Variants in LAPTM4A observed in about 807,000 individuals in gnomAD.
LAPTM4A encodes lysosomal protein transmembrane 4 alpha.
In LAPTM4A, 19 loss-of-function variants were observed where a neutral mutation model predicts 29.9. That is an observed-to-expected ratio of 0.64 (90% CI 0.44 to 0.93). LAPTM4A has a LOEUF of 0.93. Among genes scored for constraint, LAPTM4A ranks in the 40% least tolerant of loss-of-function variants. The probability of loss-of-function intolerance (pLI) is 0.00; values close to 1 mark genes in which losing one functional copy is unlikely to be tolerated. For missense variants in LAPTM4A, 293 were observed against 288.5 expected, an observed-to-expected ratio of 1.02 and a Z score of -0.11; for synonymous variants, 105 against 102.1, an observed-to-expected ratio of 1.03 and a Z score of -0.17.
At chr2:20,047,582 C>T (rs1275263635) in intron 1 of LAPTM4A, among the ~76,000 whole-genome samples, 9 of 144,214 alleles carry the variant, frequency 6.2e-5, no homozygotes, top group Non-Finnish European at 1.2e-4. Flanking sequence ...CCCAGCTACT[C>T]GGGAGGCTGA....
At chr2:20,046,136 T>C (rs1025249684) in intron 1 of LAPTM4A, among the ~76,000 whole-genome samples, 1 of 152,170 alleles carries the variant, frequency 6.6e-6, no homozygotes, top group African/African-American at 2.4e-5. Flanking sequence ...AGGTGGGAAC[T>C]GAACAATGAG....
chr2:20,035,235 T>C (rs537276327), intron 4 of LAPTM4A, 173 bp from the exon 5 acceptor site: 4 of 586,436 alleles, frequency 6.8e-6, no homozygotes, highest in Admixed American at 2.9e-5. Flanking sequence ...TTATCACCAT[T>C]AATGCATGCT....
At chr2:20,049,847 C>T (rs1025314233) in intron 1 of LAPTM4A, among the ~76,000 whole-genome samples, 1 of 152,086 alleles carries the variant, frequency 6.6e-6, no homozygotes, top group African/African-American at 2.4e-5. Flanking sequence ...GAGTAATAGC[C>T]TTGAGGATCC....
chr2:20,046,780 A>G (rs150905253), intron 1 of LAPTM4A, among the ~76,000 whole-genome samples: 8 of 145,256 alleles, frequency 5.5e-5, no homozygotes, highest in African/African-American at 2.0e-4. Flanking sequence ...TAATATATAA[A>G]TATATATATA....
rs1673588071 is a variant in LAPTM4A at position 20,032,702 on chromosome 2, T to C, written c.*503A>G. The C allele has an allele frequency of 6.5e-6, 1 of 154,300 alleles. No individual in the cohort carries two copies. The highest frequency in any genetic ancestry group is 2.4e-5 in the African/African-American group (1 of 41,448). 9.6% of individuals were successfully genotyped at this position (154,300 alleles called of 1,614,324 possible). ...ATCTTATCACAAAGATGGAAACATATACAAACTAGAAACATGCAACCATCA... is the reference window on the plus strand; with the variant it reads ...ATCTTATCACAAAGATGGAAACATACACAAACTAGAAACATGCAACCATCA... On this transcript the variant is annotated 3_prime_UTR_variant, in exon 7 of 7. Transcript: ENST00000175091.
At position 20,037,619 on chromosome 2, in the gene LAPTM4A, GAAAACA is replaced by G. The variant is rs765148569; in HGVS notation, c.233-11_233-6del. On this transcript the variant is annotated splice_polypyrimidine_tract_variant and splice_region_variant and intron_variant, in intron 2 of 6. Transcript: ENST00000175091. Reference sequence around the variant, plus strand: ...CAAAAAGAACACAGGCATTATCTAAGAAAACAAAAACAAAAATCTAATTAAGCTACT... The same window carrying G: ...CAAAAAGAACACAGGCATTATCTAAGAAAACAAAAATCTAATTAAGCTACT... 1 of 1,584,380 alleles carries G rather than the reference GAAAACA, an allele frequency of 6.3e-7. No individual in the cohort carries two copies. Among genetic ancestry groups the G allele is most frequent in the Non-Finnish European group, 8.6e-7 (1 of 1,165,138 alleles).
intron 6 of LAPTM4A, among the ~76,000 whole-genome samples, chr2:20,033,962 T>G (rs1193431681): frequency 6.6e-6 from 1 of 152,214 alleles, no homozygotes; most frequent in Non-Finnish European, 1.5e-5. Context: ...ATCATATGGA[T>G]GTTTTCTGAA....
chr2:20,043,918 T>C (rs1434602711), intron 1 of LAPTM4A, among the ~76,000 whole-genome samples: 2 of 152,242 alleles, frequency 1.3e-5, no homozygotes, highest in Non-Finnish European at 2.9e-5. Flanking sequence ...GACATCCTCC[T>C]TCTCAGCACT....
chr2:20,048,598 GA>G (rs1431320570), intron 1 of LAPTM4A, among the ~76,000 whole-genome samples: 4 of 152,248 alleles, frequency 2.6e-5, no homozygotes, highest in African/African-American at 4.8e-5. Context: ...TAGCGAGGGA[GA>G]GGGGCTCCCC....
chr2:20,047,150 G>A (rs1453656957), intron 1 of LAPTM4A, among the ~76,000 whole-genome samples: 4 of 151,882 alleles, frequency 2.6e-5, no homozygotes, highest in African/African-American at 7.3e-5. Context: ...AGCACTTTGG[G>A]AGGCCAAGGC....
intron 3 of LAPTM4A, 46 bp downstream of exon 3, chr2:20,037,492 C>T: frequency 1.2e-6 from 2 of 1,601,752 alleles, no homozygotes; most frequent in Non-Finnish European, 1.7e-6. Context: ...AATTACTAAG[C>T]TCCCCTAAGG....
Position 20,032,983 on chromosome 2 carries a change from C to A in LAPTM4A, c.*222G>T. 1 of 535,548 alleles carries A rather than the reference C, an allele frequency of 1.9e-6. No homozygotes were observed. The highest frequency in any genetic ancestry group is 3.3e-6 in the Non-Finnish European group (1 of 300,918). The allele number at this position is 535,548 out of a possible 1,614,324, so 33.2% of individuals were successfully genotyped here. On this transcript the variant is annotated 3_prime_UTR_variant, in exon 7 of 7. Transcript: ENST00000175091. Reference sequence around the variant, plus strand: ...CAATGGCACTTTGCTCTTGCTTAACCTAGATTGTCTTCAAAAACTATTAAA... The same window carrying A: ...CAATGGCACTTTGCTCTTGCTTAACATAGATTGTCTTCAAAAACTATTAAA...
intron 5 of LAPTM4A, 109 bp downstream of exon 5, chr2:20,034,858 T>C: frequency 1.3e-6 from 1 of 758,002 alleles, no homozygotes; most frequent in Non-Finnish European, 2.3e-6. Flanking sequence ...ATAAACACTG[T>C]CCCCACAAAT....
In LAPTM4A at chr2:20,040,225, T is replaced by TA. The variant is rs200471252; in HGVS notation, c.232+665dup. Among the ~76,000 whole-genome samples, 290 of 151,008 alleles carry TA rather than the reference T, an allele frequency of 1.9e-3. 4 individuals are homozygous for TA. In the East Asian group the frequency reaches 0.019, roughly 10 times the overall value. On this transcript the variant is annotated intron_variant, in intron 2 of 6. Coordinates refer to ENST00000175091, the MANE Select transcript of LAPTM4A (RefSeq NM_014713.5). ...TTCTCCTTTCTACTAGTAGCTACAT[T>TA]AAAAAAAAAGTCTTATGAAGCCTGC...
intron 2 of LAPTM4A, 129 bp from the exon 3 acceptor site, chr2:20,037,743 C>T: frequency 4.1e-6 from 2 of 485,242 alleles, no homozygotes; most frequent in Admixed American, 4.1e-5. Flanking sequence ...GATCTAAGGC[C>T]AAGAGGGTAA....
At chr2:20,041,516 TTGTGTG>T (rs372627922) in intron 1 of LAPTM4A, among the ~76,000 whole-genome samples, 1 of 151,392 alleles carries the variant, frequency 6.6e-6, no homozygotes, top group African/African-American at 2.4e-5. Flanking sequence ...AGTCTTACTT[TTGTGTG>T]TGTGTGTGTA....
At chr2:20,050,276 C>A (rs11096636) in intron 1 of LAPTM4A, among the ~76,000 whole-genome samples, 9,362 of 152,234 alleles carry the variant, frequency 0.061, 633 homozygotes, top group African/African-American at 0.17. Context: ...AGATGATTCT[C>A]ATCTGGCGTT....
At chr2:20,046,723 TTA>T (rs1673928276) in intron 1 of LAPTM4A, among the ~76,000 whole-genome samples, 1 of 141,404 alleles carries the variant, frequency 7.1e-6, no homozygotes, top group East Asian at 2.2e-4. Flanking sequence ...TATTTATATA[TTA>T]TATATCTATA....
At chr2:20,043,211 CTTT>C (rs768927745) in intron 1 of LAPTM4A, among the ~76,000 whole-genome samples, 26 of 78,280 alleles carry the variant, frequency 3.3e-4, no homozygotes, top group South Asian at 2.2e-3. Flanking sequence ...TAGCTGGGAC[CTTT>C]TTTTTTTTTT....
Sources: allele counts gnomAD v4.1 joint callset (sites outside exome capture counted in the v4.1 genomes callset), GRCh38; gene constraint gnomAD v4.1.1; transcripts MANE v1.5; gene names NCBI Gene and HGNC (gene_info 2026-07-23, HGNC 2026-07-21).